Variants in IGSF9 observed in about 807,000 individuals in gnomAD.
IGSF9 encodes immunoglobulin superfamily member 9.
Under a neutral mutation model 121.7 loss-of-function variants are expected in IGSF9, and 87 were observed. The observed-to-expected ratio is 0.71, with a 90% CI of 0.60 to 0.85. The LOEUF is 0.85. IGSF9 is among the 40% of genes least tolerant of loss of function. IGSF9 has a pLI of 0.00. For synonymous variants in IGSF9, 640 were observed against 648.4 expected (o/e 0.99, Z 0.20); for missense variants, 1,462 against 1,565.3 (o/e 0.93, Z 1.11).
Position 159,937,845 on chromosome 1 carries a change from G to C in IGSF9, c.248-7C>G. The C allele has an allele frequency of 6.2e-7, 1 of 1,612,416 alleles. No homozygotes were observed. Among genetic ancestry groups the C allele is most frequent in the Non-Finnish European group, 8.5e-7 (1 of 1,179,226 alleles). On this transcript the variant is annotated splice_region_variant and splice_polypyrimidine_tract_variant and intron_variant, in intron 3 of 20. Transcript: ENST00000368094. The stretch of plus-strand genomic sequence containing the variant: ...TTCTGCAGCCGGACTCGTCCTGGGG[G>C]AGGAGCCCTGAATCAAGGGTGCTGA...
chr1:159,934,809 G>T lies in IGSF9; in HGVS notation c.687C>A (p.Ile229=). 4 of 1,614,120 alleles carry T rather than the reference G, an allele frequency of 2.5e-6. No individual in the cohort carries two copies. The highest frequency in any genetic ancestry group is 3.4e-6 in the Non-Finnish European group (4 of 1,180,010). The part of the protein sequence containing the change: ...TQLLVLGPPV[I]VVPPKNSTVN... Reference sequence around the variant, plus strand: ...CTGTGCTGTTCTTGGGGGGCACCACGATGACTGGGGGTCCTGTGGGATGCA... The same window carrying T: ...CTGTGCTGTTCTTGGGGGGCACCACTATGACTGGGGGTCCTGTGGGATGCA... Residue 229 remains isoleucine, a synonymous_variant, in exon 7 of 21, where the codon ATC becomes ATA. Transcript: ENST00000368094.
Position 159,931,960 on chromosome 1 carries a change from C to A in IGSF9, c.1246-32G>T. On this transcript the variant is annotated intron_variant, in intron 10 of 20. Coordinates refer to ENST00000368094, the MANE Select transcript of IGSF9 (RefSeq NM_001135050.2). The surrounding 1 kb of genome is among the most constrained non-coding windows in gnomAD (Gnocchi z 4.8). Reference sequence around the variant, plus strand: ...GCCAGATCTGGCATTGGGAGGGGCCCTCTCTTACATCTAAGGCTGGCTACT... The same window carrying A: ...GCCAGATCTGGCATTGGGAGGGGCCATCTCTTACATCTAAGGCTGGCTACT... The A allele has an allele frequency of 7.2e-7, 1 of 1,386,750 alleles. No homozygotes were observed. 85.9% of individuals were successfully genotyped at this position (1,386,750 alleles called of 1,614,324 possible). A position where few individuals can be genotyped will look rare whatever the true frequency, so the allele number is the denominator to read the frequency against.
Position 159,932,222 on chromosome 1 carries a change from C to T in IGSF9, c.1245+290G>A, listed in dbSNP as rs1571214294. The stretch of plus-strand genomic sequence containing the variant: ...CAAACCTCTGCAGAACATTCTTCCT[C>T]CCAGAGCCCCAGAGAGGGAGGCAGC... On this transcript the variant is annotated intron_variant, in intron 10 of 20. Transcript: ENST00000368094. The surrounding 1 kb of genome is among the most constrained non-coding windows in gnomAD (Gnocchi z 4.1). 8 of 573,616 alleles carry T rather than the reference C, an allele frequency of 1.4e-5. No homozygotes were observed. In the East Asian group the frequency reaches 2.1e-4, roughly 15 times the overall value. The allele number at this position is 573,616 out of a possible 1,614,324, so 35.5% of individuals were successfully genotyped here. A position where few individuals can be genotyped will look rare whatever the true frequency, so the allele number is the denominator to read the frequency against.
chr1:159,933,914 A>C (rs1651089842), intron 9 of IGSF9: 1 of 484,226 alleles, frequency 2.1e-6, no homozygotes, highest in African/African-American at 2.0e-5. Context: ...AAGAAACTTC[A>C]GTTCTCCTTC....
chr1:159,934,123 C>T, intron 9 of IGSF9, 67 bp downstream of exon 9: 1 of 1,539,696 alleles, frequency 6.5e-7, no homozygotes, highest in Non-Finnish European at 8.8e-7. Context: ...CGAGCTAACT[C>T]CACCCTGCTG....
chr1:159,935,385 G>A (rs112404841), intron 6 of IGSF9, among the ~76,000 whole-genome samples: 3 of 152,178 alleles, frequency 2.0e-5, no homozygotes, highest in Admixed American at 6.5e-5. Context: ...CCCTCCCTAC[G>A]TGGCCAGCCA....
Position 159,932,214 on chromosome 1 carries a change from T to C in IGSF9, c.1246-286A>G. 1.7e-6 allele frequency: 1 copy of C among 571,788 alleles called. No homozygotes were observed. The highest frequency in any genetic ancestry group is 3.1e-6 in the Non-Finnish European group (1 of 322,102). 35.4% of individuals were successfully genotyped at this position (571,788 alleles called of 1,614,324 possible). On this transcript the variant is annotated intron_variant, in intron 10 of 20. Transcript: ENST00000368094. The surrounding 1 kb of genome is among the most constrained non-coding windows in gnomAD (Gnocchi z 4.1). ...GAGATGTACAAACCTCTGCAGAACA[T>C]TCTTCCTCCCAGAGCCCCAGAGAGG...
In IGSF9 at chr1:159,930,948, C is replaced by T. The variant is rs1399633835; in HGVS notation, c.1638-81G>A. 7 of 1,452,158 alleles carry T rather than the reference C, an allele frequency of 4.8e-6. No homozygotes were observed. The East Asian group carries it at 1.7e-4, about 35-fold the overall frequency. The allele number at this position is 1,452,158 out of a possible 1,614,324, so 90.0% of individuals were successfully genotyped here. A position where few individuals can be genotyped will look rare whatever the true frequency, so the allele number is the denominator to read the frequency against. On this transcript the variant is annotated intron_variant, in intron 13 of 20. Transcript: ENST00000368094. ...TGGGGTCCAGAGATCTAACCACCTC[C>T]CCTCTGCTCAACCATCCAAGGTCTC...
chr1:159,938,304 C>A (rs968800127), intron 3 of IGSF9, among the ~76,000 whole-genome samples: 27 of 152,274 alleles, frequency 1.8e-4, no homozygotes, highest in Middle Eastern at 6.8e-3. Context: ...CAGGGGGAAC[C>A]CAGACCCCGC....
At position 159,931,447 on chromosome 1, in the gene IGSF9, A is replaced by T; in HGVS notation, c.1513+6T>A. The T allele has an allele frequency of 6.2e-7, 1 of 1,612,238 alleles. No individual in the cohort carries two copies. The highest frequency in any genetic ancestry group is 1.3e-5 in the African/African-American group (1 of 75,018). On this transcript the variant is annotated splice_donor_region_variant and intron_variant, in intron 12 of 20. Transcript: ENST00000368094. This position sits in a 1 kb window ranked among gnomAD's most constrained non-coding sequence, Gnocchi z 4.8. The stretch of plus-strand genomic sequence containing the variant: ...CCAGCCCCTGGCCCTCTCTCCAGCC[A>T]CTAACCCAGCACGTAGACGTTCGTG...
In IGSF9 at chr1:159,930,441, T is replaced by A; in HGVS notation, c.1814-2A>T. The A allele has an allele frequency of 6.5e-7, 1 of 1,529,884 alleles. No homozygotes were observed. Among genetic ancestry groups the A allele is most frequent in the Non-Finnish European group, 8.8e-7 (1 of 1,140,424 alleles). 94.8% of individuals were successfully genotyped at this position (1,529,884 alleles called of 1,614,324 possible). A position where few individuals can be genotyped will look rare whatever the true frequency, so the allele number is the denominator to read the frequency against. On this transcript the variant is annotated splice_acceptor_variant, in intron 14 of 20. Coordinates refer to ENST00000368094, the MANE Select transcript of IGSF9 (RefSeq NM_001135050.2). LOFTEE classifies it high-confidence loss of function. ...GTGCAGCTGGCGTGGTAGGAAGCCC[T>A]GCGTGGGACAGAAAGGCAGGTCAGA...
Position 159,928,486 on chromosome 1 carries a change from G to C in IGSF9, c.2902C>G (p.Arg968Gly). The C allele has an allele frequency of 6.3e-7, 1 of 1,585,892 alleles. No homozygotes were observed. ...GATACAGGAGGGGTTTCTGGAGAAC[G>C]AAGGAAAGATGAGGTGGGACAGCGC... The part of the protein sequence containing the change: ...TRRCPTSSFL[R>G]SPETPPVSPR... The change falls in exon 19 of 21, where the codon CGT becomes GGT. Residue 968 changes from arginine (R) to glycine (G), a missense_variant. Physicochemically the swap from Arg to Gly is moderately radical, Grantham distance 125 (BLOSUM62 -2). Around this residue, in one of 3 missense-constraint regions of IGSF9, gnomAD observed 808 missense variants for 815.2 expected, o/e 0.99. Coordinates refer to ENST00000368094, the MANE Select transcript of IGSF9 (RefSeq NM_001135050.2).
chr1:159,932,421 C>T lies in IGSF9; in HGVS notation c.1245+91G>A. On this transcript the variant is annotated intron_variant, in intron 10 of 20. Coordinates refer to ENST00000368094, the MANE Select transcript of IGSF9 (RefSeq NM_001135050.2). This position sits in a 1 kb window ranked among gnomAD's most constrained non-coding sequence, Gnocchi z 4.1. ...TTGGAAACCCCTCCCCATGTGTCTG[C>T]CCCACCCCACCCCCATCAGCCTGGC... The T allele has an allele frequency of 1.2e-6, 1 of 822,192 alleles. No homozygotes were observed. Among genetic ancestry groups the T allele is most frequent in the Non-Finnish European group, 1.9e-6 (1 of 518,598 alleles). 50.9% of individuals were successfully genotyped at this position (822,192 alleles called of 1,614,324 possible).
intron 9 of IGSF9, 72 bp downstream of exon 9, chr1:159,934,118 T>C: frequency 4.6e-6 from 7 of 1,524,622 alleles, no homozygotes; most frequent in Non-Finnish European, 6.2e-6. Context: ...TAAACCGAGC[T>C]AACTCCACCC....
Position 159,931,400 on chromosome 1 carries a change from A to T in IGSF9, c.1513+53T>A, listed in dbSNP as rs987995160. 147 of 1,599,934 alleles carry T rather than the reference A, an allele frequency of 9.2e-5. No individual in the cohort carries two copies. The highest frequency in any genetic ancestry group is 8.3e-4 in the Middle Eastern group (5 of 6,014). On this transcript the variant is annotated intron_variant, in intron 12 of 20. Transcript: ENST00000368094. The surrounding 1 kb of genome is among the most constrained non-coding windows in gnomAD (Gnocchi z 4.8). The stretch of plus-strand genomic sequence containing the variant: ...ATGATCCTCTTTCTGGGCCTCCAAA[A>T]ACGATTCCCAAGTAGTTTCTCCCAG...
intron 19 of IGSF9, 56 bp from the exon 20 acceptor site, chr1:159,927,943 T>C (rs1409369224): frequency 1.3e-6 from 2 of 1,579,980 alleles, no homozygotes; most frequent in South Asian, 1.2e-5. Flanking sequence ...ATAGAGGCTG[T>C]TCAGAAAAGT....
intron 15 of IGSF9, 29 bp from the exon 16 acceptor site, chr1:159,930,004 A>G (rs755713560): frequency 2.0e-5 from 32 of 1,592,084 alleles, no homozygotes; most frequent in Middle Eastern, 3.3e-4. Context: ...ACCAGGAGGG[A>G]GGTCAGGGCC....
chr1:159,935,951 A>G (rs1651166573), intron 6 of IGSF9, among the ~76,000 whole-genome samples: 1 of 152,226 alleles, frequency 6.6e-6, no homozygotes, highest in African/African-American at 2.4e-5. Flanking sequence ...AATAGGCTCT[A>G]TGAAGGCACA....
chr1:159,942,198 T>A lies in IGSF9; in HGVS notation c.247+765A>T, dbSNP rs183941082. Among the ~76,000 whole-genome samples, 266 of 152,326 alleles carry A rather than the reference T, an allele frequency of 1.7e-3. 1 individual carries two copies. The highest frequency in any genetic ancestry group is 6.2e-3 in the African/African-American group (256 of 41,580). ...CTAAACCGCTTAGATTAAGGCTCCA[T>A]CCGGGATTAGGAGGAAGCAGAGCCA... is the stretch of plus-strand genomic sequence containing the variant. On this transcript the variant is annotated intron_variant, in intron 3 of 20. Coordinates refer to ENST00000368094, the MANE Select transcript of IGSF9 (RefSeq NM_001135050.2).
Sources: gnomAD v4.1 joint callset for allele counts (sites outside exome capture counted in the v4.1 genomes callset) on GRCh38, gnomAD v4.1.1 for gene constraint, gnomAD v4.1.1 regional missense constraint, Gnocchi (gnomAD v3.1) non-coding constraint, MANE v1.5 for transcripts, NCBI Gene and HGNC (gene_info 2026-07-23, HGNC 2026-07-21) for gene names.